NEK7: variants seen among roughly 807,000 people sequenced by gnomAD.
NEK7 encodes serine/threonine-protein kinase Nek7.
In NEK7, 18 loss-of-function variants were observed where a neutral mutation model predicts 44.6. The observed-to-expected ratio is 0.40, with a 90% CI of 0.28 to 0.60. The LOEUF is 0.60. NEK7 is among the 20% of genes least tolerant of loss of function. The probability of loss-of-function intolerance (pLI) is 0.38; values close to 1 mark genes in which losing one functional copy is unlikely to be tolerated. For synonymous variants in NEK7, 130 were observed against 121.1 expected, an observed-to-expected ratio of 1.07 and a Z score of -0.48; for missense variants, 256 against 366.5, an observed-to-expected ratio of 0.70 and a Z score of 2.46.
intron 1 of NEK7, among the ~76,000 whole-genome samples, chr1:198,188,746 A>G (rs1485757103): frequency 2.0e-5 from 3 of 152,218 alleles, no homozygotes; most frequent in Non-Finnish European, 4.4e-5. Context: ...TGCATGAAAT[A>G]GTATAGTAAT....
At chr1:198,233,027 C>G (rs1028124037) in intron 2 of NEK7, among the ~76,000 whole-genome samples, 11 of 150,722 alleles carry the variant, frequency 7.3e-5, no homozygotes, top group Non-Finnish European at 1.6e-4. Flanking sequence ...GCAGCTTTAG[C>G]TTTTAACTTT....
At chr1:198,179,811 GTGTATGTA>G (rs577935673) in intron 1 of NEK7, among the ~76,000 whole-genome samples, 2 of 133,468 alleles carry the variant, frequency 1.5e-5, no homozygotes, top group African/African-American at 5.3e-5. Context: ...GTGTGTGTGT[GTGTATGTA>G]TGTGTGTGTG....
chr1:198,185,190 A>ATTTTTTT (rs919588030), intron 1 of NEK7, among the ~76,000 whole-genome samples: 10 of 83,814 alleles, frequency 1.2e-4, no homozygotes, highest in African/African-American at 1.9e-4. Context: ...CATGCTGTCT[A>ATTTTTTT]TTTTTTTTTT....
At chr1:198,270,410 G>A (rs919973454) in intron 5 of NEK7, among the ~76,000 whole-genome samples, 2 of 152,142 alleles carry the variant, frequency 1.3e-5, no homozygotes, top group African/African-American at 4.8e-5. Flanking sequence ...TCAGAGGTTT[G>A]TTATCTGCCA....
At chr1:198,252,555 TATATATATATATAA>T (rs1429912799) in intron 2 of NEK7, among the ~76,000 whole-genome samples, 1 of 58,762 alleles carries the variant, frequency 1.7e-5, no homozygotes, top group Non-Finnish European at 2.7e-5. Context: ...TATATATATA[TATATATATATATAA>T]AAAGTACATA....
intron 1 of NEK7, among the ~76,000 whole-genome samples, chr1:198,206,130 T>A (rs1665592230): frequency 6.6e-6 from 1 of 152,164 alleles, no homozygotes; most frequent in African/African-American, 2.4e-5. Flanking sequence ...TATGGCCTAC[T>A]GGTTTTTGCA....
Position 198,253,127 on chromosome 1 carries a change from T to C in NEK7, c.145T>C (p.Tyr49His). ...TGGTCGCGGACAATTTAGTGAAGTT[T>C]ATAGAGCAGCCTGTCTCTTGGATGG... ...KIGRGQFSEVYRAACLLDGVP... is the reference protein window; with the variant it reads ...KIGRGQFSEVHRAACLLDGVP... Residue 49 changes from tyrosine (Y) to histidine (H), a missense_variant, in exon 3 of 10, where the codon TAT becomes CAT. Tyr to His is a moderately conservative substitution (Grantham distance 83). Coordinates refer to ENST00000367385, the MANE Select transcript of NEK7 (RefSeq NM_133494.3). 1 of 1,612,506 alleles carries C rather than the reference T, an allele frequency of 6.2e-7. No individual in the cohort carries two copies. Among genetic ancestry groups the C allele is most frequent in the Non-Finnish European group, 8.5e-7 (1 of 1,178,808 alleles).
In NEK7 at chr1:198,210,995, G is replaced by A. The variant is rs975285335; in HGVS notation, c.-28-21558G>A. 2.4e-4 allele frequency among the ~76,000 whole-genome samples: 36 copies of A among 151,790 alleles called. No individual in the cohort carries two copies. In the South Asian group the frequency reaches 4.6e-3, roughly 19 times the overall value. On this transcript the variant is annotated intron_variant, in intron 1 of 9. Coordinates refer to ENST00000367385, the MANE Select transcript of NEK7 (RefSeq NM_133494.3). ...TCTCGATCTCCTGACCTCGTGATCCGCCCGCCTCGGCCTCCCAAAGTGCAA... is the reference window on the plus strand; with the variant it reads ...TCTCGATCTCCTGACCTCGTGATCCACCCGCCTCGGCCTCCCAAAGTGCAA...
At chr1:198,180,645 CATA>C (rs1466946240) in intron 1 of NEK7, among the ~76,000 whole-genome samples, 2 of 152,008 alleles carry the variant, frequency 1.3e-5, no homozygotes, top group African/African-American at 4.8e-5. Context: ...TGATAATTAT[CATA>C]ATCTTTTAGG....
At chr1:198,196,657 T>C (rs956306845) in intron 1 of NEK7, among the ~76,000 whole-genome samples, 1 of 152,214 alleles carries the variant, frequency 6.6e-6, no homozygotes, top group African/African-American at 2.4e-5. Flanking sequence ...ACCTGGCTGC[T>C]TTAGCTTGAG....
At chr1:198,244,315 T>C (rs1442074129) in intron 2 of NEK7, among the ~76,000 whole-genome samples, 1 of 152,116 alleles carries the variant, frequency 6.6e-6, no homozygotes, top group Admixed American at 6.6e-5. Flanking sequence ...ACTATTGAGT[T>C]CATGCTGTGA....
chr1:198,243,629 C>T (rs1470350267), intron 2 of NEK7, among the ~76,000 whole-genome samples: 1 of 152,046 alleles, frequency 6.6e-6, no homozygotes, highest in African/African-American at 2.4e-5. Flanking sequence ...CTACATATGC[C>T]AGGGTCTTAT....
chr1:198,157,112 C>T lies in NEK7; in HGVS notation c.-193C>T, dbSNP rs1663911730. On this transcript the variant is annotated 5_prime_UTR_variant, in exon 1 of 10. Coordinates refer to ENST00000367385, the MANE Select transcript of NEK7 (RefSeq NM_133494.3). ...AGTGCGCAGGGTGGGTGCCCCGCGC[C>T]TGCAGCGTCCGCCGGGGCGGCGCGG... is the stretch of plus-strand genomic sequence containing the variant. 1 of 151,862 alleles carries T rather than the reference C, an allele frequency of 6.6e-6. No individual in the cohort carries two copies. The highest frequency in any genetic ancestry group is 1.5e-5 in the Non-Finnish European group (1 of 67,958). 9.4% of individuals were successfully genotyped at this position (151,862 alleles called of 1,614,324 possible). A position where few individuals can be genotyped will look rare whatever the true frequency, so the allele number is the denominator to read the frequency against.
intron 7 of NEK7, among the ~76,000 whole-genome samples, chr1:198,284,815 AT>A (rs1331845586): frequency 3.3e-5 from 5 of 152,178 alleles, no homozygotes; most frequent in Non-Finnish European, 7.3e-5. Flanking sequence ...GGCAAATCAT[AT>A]CAAACTTCCC....
chr1:198,160,078 G>C (rs944739590), intron 1 of NEK7, among the ~76,000 whole-genome samples: 19 of 151,656 alleles, frequency 1.3e-4, no homozygotes, highest in Admixed American at 1.2e-3. Flanking sequence ...TTAAATATGT[G>C]GTCTGAGATA....
At position 198,225,092 on chromosome 1, in the gene NEK7, C is replaced by T. The variant is rs532872957; in HGVS notation, c.-28-7461C>T. On this transcript the variant is annotated intron_variant, in intron 1 of 9. Transcript: ENST00000367385. ...ACATGGTGGCTCACGCCTGAAATCT[C>T]AGCACTTTGGGAGGCTGAGGTGGGA... 1.4e-4 allele frequency among the ~76,000 whole-genome samples: 21 copies of T among 152,112 alleles called. No homozygotes were observed. The South Asian group carries it at 3.5e-3, about 26-fold the overall frequency.
rs1655516563 is a variant in NEK7 at position 198,320,885 on chromosome 1, A to T, written c.*1363A>T. The T allele has an allele frequency of 6.6e-6, 1 of 152,306 alleles. No homozygotes were observed. The allele number at this position is 152,306 out of a possible 1,614,324, so 9.4% of individuals were successfully genotyped here. Reference sequence around the variant, plus strand: ...TGACTGAGATGGTAACACTTCGTGTAGCTTAAGGAAATGGGCAGAATTTCG... The same window carrying T: ...TGACTGAGATGGTAACACTTCGTGTTGCTTAAGGAAATGGGCAGAATTTCG... On this transcript the variant is annotated 3_prime_UTR_variant, in exon 10 of 10. Transcript: ENST00000367385.
At chr1:198,234,017 A>AT (rs5779914) in intron 2 of NEK7, among the ~76,000 whole-genome samples, 50,937 of 151,602 alleles carry the variant, frequency 0.34, 9,785 homozygotes, top group East Asian at 0.8. Flanking sequence ...CTCTTCTGGT[A>AT]TTCTGATACT....
At chr1:198,223,902 CCAA>C (rs1666140263) in intron 1 of NEK7, among the ~76,000 whole-genome samples, 2 of 151,668 alleles carry the variant, frequency 1.3e-5, no homozygotes, top group Admixed American at 6.6e-5. Context: ...TTTCAGATGA[CCAA>C]TGTAAAAATC....
Sources: allele counts gnomAD v4.1 joint callset (sites outside exome capture counted in the v4.1 genomes callset), GRCh38; gene constraint gnomAD v4.1.1; transcripts MANE v1.5; gene names NCBI Gene and HGNC (gene_info 2026-07-23, HGNC 2026-07-21).